Variants in SLC15A1 observed in about 807,000 individuals in gnomAD.
SLC15A1 encodes the protein solute carrier family 15 member 1, also known as Caco-2 oligopeptide transporter.
SLC15A1 carries 83 observed loss-of-function variants against 92.9 expected under a neutral mutation model. The ratio of observed to expected loss-of-function variants is 0.89; its 90% CI spans 0.75 to 1.07. SLC15A1 has a LOEUF of 1.07. Ranked by LOEUF, SLC15A1 falls within the 50% of genes least tolerant of loss-of-function variation. The probability of loss-of-function intolerance (pLI) is 0.00; values close to 1 mark genes in which losing one functional copy is unlikely to be tolerated. For synonymous variants in SLC15A1, 322 were observed against 318.2 expected (o/e 1.01, Z -0.13); for missense variants, 857 against 880.1 (o/e 0.97, Z 0.33).
chr13:98,694,095 A>C (rs1350861232), intron 18 of SLC15A1, among the ~76,000 whole-genome samples: 1 of 152,236 alleles, frequency 6.6e-6, no homozygotes, highest in Non-Finnish European at 1.5e-5. Context: ...GTGGATATCC[A>C]GTGGTCCTAG....
At position 98,684,853 on chromosome 13, in the gene SLC15A1, C is replaced by T. The variant is rs1329332462; in HGVS notation, c.1998G>A (p.Met666Ile). The T allele has an allele frequency of 6.2e-7, 1 of 1,613,976 alleles. No individual in the cohort carries two copies. The highest frequency in any genetic ancestry group is 8.5e-7 in the Non-Finnish European group (1 of 1,180,018). The change falls in exon 23 of 23, where the codon ATG becomes ATA. Residue 666 changes from methionine (M) to isoleucine (I), a missense_variant. Physicochemically the swap from Met to Ile is conservative, Grantham distance 10 (BLOSUM62 1). Coordinates refer to ENST00000376503, the MANE Select transcript of SLC15A1 (RefSeq NM_005073.4). ...LLVVCVIFAI[M>I]ARFYTYINPA... Reference sequence around the variant, plus strand: ...GGTTGATGTAAGTATAGAACCGAGCCATGATGGCAAAAATTACACAGACGA... The same window carrying T: ...GGTTGATGTAAGTATAGAACCGAGCTATGATGGCAAAAATTACACAGACGA...
At chr13:98,745,326 C>T (rs2088484008) in intron 1 of SLC15A1, among the ~76,000 whole-genome samples, 1 of 152,216 alleles carries the variant, frequency 6.6e-6, no homozygotes, top group South Asian at 2.1e-4. Context: ...TACCTAAAGT[C>T]ATCTATAAGC....
chr13:98,749,072 G>C (rs2088519789), intron 1 of SLC15A1, among the ~76,000 whole-genome samples: 1 of 152,226 alleles, frequency 6.6e-6, no homozygotes, highest in Admixed American at 6.5e-5. Context: ...TTCCCCCGAA[G>C]GTCATATGCC....
chr13:98,712,533 C>T lies in SLC15A1; in HGVS notation c.775G>A (p.Glu259Lys), dbSNP rs773187812. ...RHRSKAFPKR[E>K]HWLDWAKEKY... ...TCTTTAGCCCAGTCCAGCCAGTGCT[C>T]CCTCTTGGGAAATGCCTTACTCCGA... The change falls in exon 10 of 23, where the codon GAG (glutamate) becomes AAG (lysine). Residue 259 changes from glutamate (E) to lysine (K), a missense_variant. Physicochemically the swap from Glu to Lys is moderately conservative, Grantham distance 56. Transcript: ENST00000376503. 6.2e-7 allele frequency: 1 copy of T among 1,611,604 alleles called. No individual in the cohort carries two copies. Among genetic ancestry groups the T allele is most frequent in the African/African-American group, 1.3e-5 (1 of 74,848 alleles).
intron 1 of SLC15A1, among the ~76,000 whole-genome samples, chr13:98,728,908 G>A (rs812231): frequency 3.5e-5 from 5 of 143,850 alleles, no homozygotes; most frequent in Admixed American, 7.2e-5. Context: ...TAGGACCTGG[G>A]AGGTGGAGGT....
In SLC15A1 at chr13:98,711,915, A is replaced by T; in HGVS notation, c.839T>A (p.Val280Asp). The T allele has an allele frequency of 1.2e-6, 2 of 1,613,104 alleles. No individual in the cohort carries two copies. Among genetic ancestry groups the T allele is most frequent in the Non-Finnish European group, 1.7e-6 (2 of 1,179,952 alleles). Residue 280 changes from valine (V) to aspartate (D), a missense_variant, in exon 11 of 23, where the codon GTT becomes GAT. Val to Asp is a radical substitution (Grantham distance 152). Transcript: ENST00000376503. ...DERLISQIKMVTRVMFLYIPL... is the reference protein window; with the variant it reads ...DERLISQIKMDTRVMFLYIPL... Reference sequence around the variant, plus strand: ...AATATACAGGAACATCACCCTCGTAACCATCTTAATTTGGGAGATGAGCCG... The same window carrying T: ...AATATACAGGAACATCACCCTCGTATCCATCTTAATTTGGGAGATGAGCCG...
At position 98,721,903 on chromosome 13, in the gene SLC15A1, C is replaced by G. The variant is rs1593997884; in HGVS notation, c.366G>C (p.Val122=). 3.1e-6 allele frequency: 5 copies of G among 1,611,962 alleles called. No individual in the cohort carries two copies. The East Asian group carries it at 1.1e-4, about 36-fold the overall frequency. The change falls in exon 6 of 23, where the codon GTG becomes GTC. Residue 122 remains valine, a splice_region_variant and synonymous_variant. Coordinates refer to ENST00000376503, the MANE Select transcript of SLC15A1 (RefSeq NM_005073.4). The stretch of plus-strand genomic sequence containing the variant: ...GGGCCAGGCCGATCAAGGACAGCAC[C>G]CTGGGAAAGACAGGGTGTTAGGGCC... ...DGTPDSLPVH[V]VLSLIGLALI...
At chr13:98,695,140 C>T (rs563893624) in intron 18 of SLC15A1, among the ~76,000 whole-genome samples, 6 of 152,122 alleles carry the variant, frequency 3.9e-5, no homozygotes, top group African/African-American at 9.6e-5. Flanking sequence ...ACTCACTTTC[C>T]TATTTAGTGT....
intron 17 of SLC15A1, among the ~76,000 whole-genome samples, chr13:98,703,120 G>C (rs942750048): frequency 3.6e-5 from 5 of 139,364 alleles, no homozygotes; most frequent in African/African-American, 1.3e-4. Context: ...CCTGTTGAAA[G>C]TGAAAGGAAG....
At chr13:98,746,524 G>GA (rs903974060) in intron 1 of SLC15A1, among the ~76,000 whole-genome samples, 11 of 151,842 alleles carry the variant, frequency 7.2e-5, no homozygotes, top group African/African-American at 2.7e-4. Flanking sequence ...TGATTTAATG[G>GA]AAAAAAAGGA....
chr13:98,726,353 G>A lies in SLC15A1; in HGVS notation c.103+15C>T, dbSNP rs922260636. 3.1e-6 allele frequency: 5 copies of A among 1,613,944 alleles called. No homozygotes were observed. The highest frequency in any genetic ancestry group is 2.7e-5 in the African/African-American group (2 of 74,902). ...CGCTCTTCCCTGAAGGGTGAGAAAC[G>A]GCCAATACAGTTACCTCGCATTCCA... On this transcript the variant is annotated intron_variant, in intron 3 of 22. Coordinates refer to ENST00000376503, the MANE Select transcript of SLC15A1 (RefSeq NM_005073.4).
intron 18 of SLC15A1, among the ~76,000 whole-genome samples, chr13:98,698,484 G>A (rs1388915516): frequency 6.6e-6 from 1 of 152,148 alleles, no homozygotes; most frequent in African/African-American, 2.4e-5. Flanking sequence ...TGTTGTCCAG[G>A]CTGGAGTGCA....
chr13:98,717,707 G>A (rs1252141101), intron 8 of SLC15A1, among the ~76,000 whole-genome samples: 1 of 152,138 alleles, frequency 6.6e-6, no homozygotes, highest in African/African-American at 2.4e-5. Context: ...AAAGGGGAAA[G>A]CTAAATTGCT....
chr13:98,687,853 A>G (rs1216992330), intron 20 of SLC15A1, 129 bp from the exon 21 acceptor site: 1 of 1,065,662 alleles, frequency 9.4e-7, no homozygotes, highest in East Asian at 2.5e-5. Flanking sequence ...CACATTTTAA[A>G]CATAAGGCAA....
At chr13:98,685,850 G>A (rs1230472729) in intron 22 of SLC15A1, among the ~76,000 whole-genome samples, 1 of 152,110 alleles carries the variant, frequency 6.6e-6, no homozygotes, top group Non-Finnish European at 1.5e-5. Flanking sequence ...GCCGGGTGTG[G>A]TGGTGGGTGC....
chr13:98,736,904 A>G (rs1392468440), intron 1 of SLC15A1, among the ~76,000 whole-genome samples: 26 of 150,820 alleles, frequency 1.7e-4, no homozygotes, highest in South Asian at 8.4e-4. Context: ...GGGAGTGTAA[A>G]CTAGTTCAAC....
At chr13:98,728,959 C>T (rs1205088546) in intron 1 of SLC15A1, among the ~76,000 whole-genome samples, 4 of 106,380 alleles carry the variant, frequency 3.8e-5, no homozygotes, top group Non-Finnish European at 7.0e-5. Context: ...CCAGCCTAGG[C>T]CACAGAGTAA....
intron 1 of SLC15A1, among the ~76,000 whole-genome samples, chr13:98,734,374 T>C (rs1673118945): frequency 1.3e-5 from 2 of 152,216 alleles, no homozygotes; most frequent in African/African-American, 4.8e-5. Flanking sequence ...ACACAGAAGA[T>C]GGCTGATTTC....
chr13:98,703,838 G>C (rs562986365), intron 17 of SLC15A1, among the ~76,000 whole-genome samples: 7 of 152,070 alleles, frequency 4.6e-5, no homozygotes, highest in Admixed American at 2.0e-4. Flanking sequence ...CAAATATTTT[G>C]TATGCATAGT....
Sources: allele counts gnomAD v4.1 joint callset (sites outside exome capture counted in the v4.1 genomes callset), GRCh38; gene constraint gnomAD v4.1.1; transcripts MANE v1.5; gene names NCBI Gene and HGNC (gene_info 2026-07-23, HGNC 2026-07-21).